FAM135B: variants seen among roughly 807,000 people sequenced by gnomAD.
FAM135B encodes protein FAM135B.
FAM135B carries 43 observed loss-of-function variants against 127.7 expected under a neutral mutation model. The observed-to-expected ratio is 0.34, with a 90% CI of 0.26 to 0.43. The LOEUF (loss-of-function observed/expected upper bound fraction) is 0.43. Ranked by LOEUF, FAM135B falls within the 20% of genes least tolerant of loss-of-function variation. The probability of loss-of-function intolerance (pLI) is 1.00; values close to 1 mark genes in which losing one functional copy is unlikely to be tolerated. For synonymous variants in FAM135B, 670 were observed against 665.1 expected, an observed-to-expected ratio of 1.01 and a Z score of -0.11; for missense variants, 1,558 against 1,725.6, an observed-to-expected ratio of 0.90 and a Z score of 1.72.
chr8:138,204,098 C>G (rs2129660367), intron 7 of FAM135B, among the ~76,000 whole-genome samples: 1 of 152,320 alleles, frequency 6.6e-6, no homozygotes, highest in East Asian at 1.9e-4. Flanking sequence ...CAGCCCAGTT[C>G]CTAACAGGCC....
chr8:138,409,188 T>C (rs1833707308), intron 1 of FAM135B, among the ~76,000 whole-genome samples: 1 of 151,972 alleles, frequency 6.6e-6, no homozygotes, highest in Non-Finnish European at 1.5e-5. Flanking sequence ...GAGGACACTG[T>C]AGGGTTATTA....
At chr8:138,384,573 A>G (rs930292142) in intron 1 of FAM135B, among the ~76,000 whole-genome samples, 5 of 152,100 alleles carry the variant, frequency 3.3e-5, no homozygotes, top group Non-Finnish European at 5.9e-5. Context: ...GCTCCCAAGC[A>G]TAGCAGAGAC....
intron 7 of FAM135B, among the ~76,000 whole-genome samples, chr8:138,201,787 G>T (rs1046787154): frequency 1.6e-4 from 24 of 152,148 alleles, no homozygotes; most frequent in Admixed American, 1.2e-3. Flanking sequence ...GCAAATAGAA[G>T]GTCCCTGGCC....
intron 2 of FAM135B, chr8:138,367,197 A>G: frequency 9.1e-6 from 3 of 328,682 alleles, no homozygotes; most frequent in South Asian, 4.9e-5. Flanking sequence ...TTAATTGGAC[A>G]CTTAATTCAA....
chr8:138,378,129 C>A (rs1326809185), intron 1 of FAM135B, among the ~76,000 whole-genome samples: 1 of 152,208 alleles, frequency 6.6e-6, no homozygotes, highest in Non-Finnish European at 1.5e-5. Flanking sequence ...GGGCCAACTT[C>A]TCATAGCAGG....
At chr8:138,411,483 A>G (rs551539565) in intron 1 of FAM135B, among the ~76,000 whole-genome samples, 2 of 152,250 alleles carry the variant, frequency 1.3e-5, no homozygotes, top group South Asian at 2.1e-4. Context: ...ACGAAAATCA[A>G]TTCAAGATGG....
intron 4 of FAM135B, among the ~76,000 whole-genome samples, chr8:138,259,716 C>G (rs1459573613): frequency 6.6e-6 from 1 of 152,214 alleles, no homozygotes; most frequent in East Asian, 1.9e-4. Flanking sequence ...AGATAAACGC[C>G]TTCTCTAAGT....
intron 1 of FAM135B, among the ~76,000 whole-genome samples, chr8:138,451,132 C>T (rs897376341): frequency 1.3e-5 from 2 of 152,116 alleles, no homozygotes; most frequent in Non-Finnish European, 2.9e-5. Flanking sequence ...AATGGGATAG[C>T]CTTGACCAAT....
chr8:138,206,424 C>T (rs1331872654), intron 7 of FAM135B, among the ~76,000 whole-genome samples: 1 of 151,486 alleles, frequency 6.6e-6, no homozygotes, highest in Non-Finnish European at 1.5e-5. Flanking sequence ...CCTCCACCTA[C>T]ACACAGCTCT....
chr8:138,237,657 C>T (rs1488471004), intron 7 of FAM135B, among the ~76,000 whole-genome samples: 3 of 152,132 alleles, frequency 2.0e-5, no homozygotes, highest in Non-Finnish European at 2.9e-5. Context: ...AACCCTCAGT[C>T]GTATGGGTGG....
chr8:138,413,774 C>T (rs62527825), intron 1 of FAM135B, among the ~76,000 whole-genome samples: 5,467 of 152,068 alleles, frequency 0.036, 135 homozygotes, highest in Admixed American at 0.05. Context: ...TCAGCCTGCA[C>T]CCAGTTTGCT....
intron 7 of FAM135B, among the ~76,000 whole-genome samples, chr8:138,224,866 A>T (rs1218355184): frequency 1.3e-5 from 2 of 152,174 alleles, no homozygotes; most frequent in African/African-American, 4.8e-5. Flanking sequence ...AAAAAAAGTC[A>T]AACTTGTAGA....
At position 138,392,497 on chromosome 8, in the gene FAM135B, G is replaced by A. The variant is rs78570397; in HGVS notation, c.-19-24495C>T. Among the ~76,000 whole-genome samples the A allele has an allele frequency of 6.3e-3, 962 of 152,266 alleles. 9 individuals are homozygous for A. Among genetic ancestry groups the A allele is most frequent in the African/African-American group, 0.021 (877 of 41,548 alleles). ...AGTCCTTTCTGGAGCTTGGATCACT[G>A]TGAATACTGCAATCAACCTGTCCAC... On this transcript the variant is annotated intron_variant, in intron 1 of 19. Coordinates refer to ENST00000395297, the MANE Select transcript of FAM135B (RefSeq NM_015912.4).
chr8:138,373,767 T>C (rs532921220), intron 1 of FAM135B, among the ~76,000 whole-genome samples: 4 of 152,066 alleles, frequency 2.6e-5, no homozygotes, highest in Admixed American at 6.6e-5. Flanking sequence ...TCTTCTATGG[T>C]CGAGACTGTA....
At chr8:138,273,820 G>A (rs1165809644) in intron 3 of FAM135B, among the ~76,000 whole-genome samples, 1 of 152,070 alleles carries the variant, frequency 6.6e-6, no homozygotes, top group Non-Finnish European at 1.5e-5. Flanking sequence ...ACCTCTCTGT[G>A]TTGTAGAACC....
intron 13 of FAM135B, among the ~76,000 whole-genome samples, chr8:138,150,505 T>G (rs1445303526): frequency 5.3e-5 from 8 of 152,022 alleles, no homozygotes; most frequent in African/African-American, 1.9e-4. Flanking sequence ...CCGTCTCTAC[T>G]AAAAGTACAA....
chr8:138,335,696 A>G (rs1384047026), intron 2 of FAM135B, among the ~76,000 whole-genome samples: 1 of 152,208 alleles, frequency 6.6e-6, no homozygotes, highest in Non-Finnish European at 1.5e-5. Context: ...AGACAGTTCA[A>G]CGAGACAGAA....
intron 1 of FAM135B, among the ~76,000 whole-genome samples, chr8:138,466,198 T>C (rs1035978058): frequency 1.3e-5 from 2 of 151,986 alleles, no homozygotes; most frequent in Non-Finnish European, 2.9e-5. Context: ...CGGTGGAGGG[T>C]AAAGGCCCTC....
intron 16 of FAM135B, among the ~76,000 whole-genome samples, chr8:138,142,286 TTC>T (rs1334549324): frequency 2.8e-3 from 230 of 81,982 alleles, no homozygotes; most frequent in Middle Eastern, 8.3e-3. Flanking sequence ...ATTCTGCTTC[TTC>T]TTTTTTTTTT....
Sources: allele counts gnomAD v4.1 joint callset (sites outside exome capture counted in the v4.1 genomes callset), GRCh38; gene constraint gnomAD v4.1.1; transcripts MANE v1.5; gene names NCBI Gene and HGNC (gene_info 2026-07-23, HGNC 2026-07-21).